BLTP1: variants seen among roughly 807,000 people sequenced by gnomAD.
BLTP1 encodes fragile site-associated protein.
chr4:122,221,861 G>T, the BLTP1 span: 31 of 983,730 alleles, frequency 3.2e-5, no homozygotes, highest in Non-Finnish European at 3.6e-5. Context: ...ACTATCCCTG[G>T]TTTTTTATGA....
At chr4:122,207,977 T>C in the BLTP1 span, 469 of 984,740 alleles carry the variant, frequency 4.8e-4, 2 homozygotes, top group Middle Eastern at 0.016. Flanking sequence ...TGATTCTTAA[T>C]TGTAAACATG....
chr4:122,319,901 T>C, the BLTP1 span, among the ~76,000 whole-genome samples: 2 of 152,110 alleles, frequency 1.3e-5, no homozygotes, highest in African/African-American at 4.8e-5. Context: ...TGGTCTCTCT[T>C]GGTGAAAGTT....
chr4:122,237,042 A>G, the BLTP1 span: 5 of 984,768 alleles, frequency 5.1e-6, no homozygotes, highest in South Asian at 1.4e-4. Context: ...AATCAAGACC[A>G]TTTTTTCTTT....
chr4:122,290,684 G>A, the BLTP1 span, among the ~76,000 whole-genome samples: 5 of 149,422 alleles, frequency 3.3e-5, no homozygotes, highest in African/African-American at 1.2e-4. Flanking sequence ...CTACTCGGGA[G>A]GCTGAGGCAG....
At chr4:122,248,421 C>T in the BLTP1 span, among the ~76,000 whole-genome samples, 7 of 152,112 alleles carry the variant, frequency 4.6e-5, no homozygotes, top group South Asian at 8.3e-4. Flanking sequence ...ATGTAGATGT[C>T]TTTGCTTATA....
At chr4:122,275,292 G>A in the BLTP1 span, among the ~76,000 whole-genome samples, 2 of 152,084 alleles carry the variant, frequency 1.3e-5, no homozygotes, top group Admixed American at 6.5e-5. Context: ...TTTGGGAACT[G>A]GAGTGGTCTT....
At chr4:122,197,063 G>A in the BLTP1 span, 1 of 590,038 alleles carries the variant, frequency 1.7e-6, no homozygotes, top group African/African-American at 2.0e-5. Context: ...GTAAAAATTT[G>A]AACTTTTGTT....
the BLTP1 span, chr4:122,251,555 A>G: frequency 4.1e-6 from 4 of 984,022 alleles, no homozygotes; most frequent in Non-Finnish European, 4.8e-6. Context: ...AGGAAATTTA[A>G]AAATACAATA....
At chr4:122,341,563 T>C in the BLTP1 span, 694 of 396,790 alleles carry the variant, frequency 1.7e-3, 2 homozygotes, top group Non-Finnish European at 2.3e-3. Flanking sequence ...GAAAGGAATA[T>C]GAAATGAGAA....
chr4:122,309,578 A>AAT, the BLTP1 span: 1 of 1,031,940 alleles, frequency 9.7e-7, no homozygotes, highest in Non-Finnish European at 1.4e-6. Context: ...GACTTTGAGA[A>AAT]AGAAGGGCTA....
At chr4:122,276,467 TA>T in the BLTP1 span, 7 of 980,420 alleles carry the variant, frequency 7.1e-6, no homozygotes, top group Non-Finnish European at 8.5e-6. Flanking sequence ...GAGAGTTGAC[TA>T]CTCTGTTAAT....
the BLTP1 span, chr4:122,208,598 A>T: frequency 1.0e-6 from 1 of 979,256 alleles, no homozygotes; most frequent in Non-Finnish European, 1.2e-6. Flanking sequence ...TGAACTTAAA[A>T]AAAATATCTG....
the BLTP1 span, chr4:122,255,430 T>C: frequency 1.7e-6 from 1 of 578,050 alleles, no homozygotes; most frequent in Non-Finnish European, 3.0e-6. Flanking sequence ...GCTGAGGCGG[T>C]TGGATCATTT....
At chr4:122,305,174 T>C in the BLTP1 span, 4 of 981,306 alleles carry the variant, frequency 4.1e-6, no homozygotes, top group African/African-American at 3.5e-5. Context: ...CATATTGTTA[T>C]AGTTTAGTGC....
the BLTP1 span, among the ~76,000 whole-genome samples, chr4:122,294,733 C>T: frequency 2.0e-5 from 3 of 152,178 alleles, no homozygotes; most frequent in Non-Finnish European, 4.4e-5. Flanking sequence ...CAACACCTCT[C>T]CAGCAAGGGC....
the BLTP1 span, chr4:122,185,054 A>G: frequency 2.3e-4 from 223 of 985,200 alleles, no homozygotes; most frequent in Admixed American, 1.2e-3. Flanking sequence ...AAGACTAAAT[A>G]CTAGTGAAGT....
At chr4:122,338,885 T>C in the BLTP1 span, among the ~76,000 whole-genome samples, 5,035 of 152,248 alleles carry the variant, frequency 0.033, 215 homozygotes, top group African/African-American at 0.097. Context: ...TAGCATTTTG[T>C]TTATACATTT....
At chr4:122,318,935 C>G in the BLTP1 span, among the ~76,000 whole-genome samples, 1 of 152,220 alleles carries the variant, frequency 6.6e-6, no homozygotes, top group African/African-American at 2.4e-5. Context: ...TTTGGATTGT[C>G]TTTTTCGTCT....
chr4:122,344,185 T>C, the BLTP1 span: 134 of 383,370 alleles, frequency 3.5e-4, no homozygotes, highest in African/African-American at 2.8e-3. Flanking sequence ...TCACCAATTA[T>C]GTTTGTGGGT....
Sources: gnomAD v4.1 joint callset for allele counts (sites outside exome capture counted in the v4.1 genomes callset) on GRCh38, gnomAD v4.1.1 for gene constraint, MANE v1.5 for transcripts, NCBI Gene and HGNC (gene_info 2026-07-23, HGNC 2026-07-21) for gene names.